The following PI15 variants were observed in gnomAD, a reference collection of about 807,000 sequenced individuals.
The protein encoded by PI15 is 25 kDa trypsin inhibitor.
Under a neutral mutation model 31.0 loss-of-function variants are expected in PI15, and 18 were observed. The observed-to-expected ratio is 0.58, with a 90% CI of 0.40 to 0.86. The LOEUF (loss-of-function observed/expected upper bound fraction) is 0.86. Among genes scored for constraint, PI15 ranks in the 40% least tolerant of loss-of-function variants. PI15 has a pLI of 0.00. For missense variants in PI15, 282 were observed against 328.1 expected (o/e 0.86, Z 1.09); for synonymous variants, 118 against 119.1 (o/e 0.99, Z 0.06).
rs559731933 is a variant in PI15, at chr8:74,831,350, T to A, written c.273+5828T>A. ...AAATGCAACATTGTAGAAAAATAATTTTATTGTGTTTCTGTTGAATATTTA... is the reference window on the plus strand; with the variant it reads ...AAATGCAACATTGTAGAAAAATAATATTATTGTGTTTCTGTTGAATATTTA... On this transcript the variant is annotated intron_variant, in intron 2 of 5. Transcript: ENST00000260113. Among the ~76,000 whole-genome samples the A allele has an allele frequency of 2.0e-5, 3 of 152,234 alleles. No individual in the cohort carries two copies. The South Asian group carries it at 6.2e-4, about 32-fold the overall frequency.
rs182906318 is a variant in PI15, at chr8:74,852,221, C to G, written c.*2968C>G. On this transcript the variant is annotated 3_prime_UTR_variant, in exon 6 of 6. Transcript: ENST00000260113. ...ATACATATTCCACATCATCGATCCT[C>G]TCTGTGGTGTTAATTTTTTTATATG... The G allele has an allele frequency of 1.1e-4, 17 of 152,136 alleles. No homozygotes were observed. In the East Asian group the frequency reaches 3.1e-3, roughly 28 times the overall value. The allele number at this position is 152,136 out of a possible 1,614,324, so 9.4% of individuals were successfully genotyped here.
chr8:74,835,608 A>G (rs1038704182), intron 2 of PI15, among the ~76,000 whole-genome samples: 2 of 152,214 alleles, frequency 1.3e-5, no homozygotes, highest in Admixed American at 1.3e-4. Context: ...TTGACTATTC[A>G]TTCAGCACCT....
At chr8:74,847,688 G>A (rs1213563478) in intron 5 of PI15, among the ~76,000 whole-genome samples, 1 of 152,044 alleles carries the variant, frequency 6.6e-6, no homozygotes, top group Non-Finnish European at 1.5e-5. Flanking sequence ...TCATTTTAAG[G>A]ATAGATTTTC....
intron 2 of PI15, among the ~76,000 whole-genome samples, chr8:74,839,579 T>TA (rs1178200407): frequency 1.3e-5 from 2 of 152,172 alleles, no homozygotes; most frequent in Admixed American, 1.3e-4. Flanking sequence ...TTTAAGTGTT[T>TA]ACAAGCAAAT....
rs531766347 is a variant in PI15, at chr8:74,825,254, T to C, written c.5T>C (p.Ile2Thr). 2 of 1,612,888 alleles carry C rather than the reference T, an allele frequency of 1.2e-6. No homozygotes were observed. Among genetic ancestry groups the C allele is most frequent in the Non-Finnish European group, 1.7e-6 (2 of 1,179,156 alleles). Residue 2 changes from isoleucine to threonine, a missense_variant, in exon 2 of 6, where the codon ATA (isoleucine) becomes ACA (threonine). Ile to Thr is a moderately conservative substitution (Grantham distance 89). Transcript: ENST00000260113. ...TCTTCTTCTCCACCCCTCAAAATGA[T>C]AGCAATCTCTGCCGTCAGCAGTGCA... M[I>T]AISAVSSALL...
intron 2 of PI15, among the ~76,000 whole-genome samples, chr8:74,841,402 G>T (rs1810943536): frequency 6.6e-6 from 1 of 152,142 alleles, no homozygotes; most frequent in African/African-American, 2.4e-5. Flanking sequence ...TCATTTTACA[G>T]ATGAGTTAAC....
chr8:74,831,982 G>A (rs1810788472), intron 2 of PI15, among the ~76,000 whole-genome samples: 1 of 151,946 alleles, frequency 6.6e-6, no homozygotes, highest in South Asian at 2.1e-4. Context: ...AAGATCCAGG[G>A]TAATCATTGA....
chr8:74,831,274 G>C (rs1810777677), intron 2 of PI15, among the ~76,000 whole-genome samples: 1 of 152,182 alleles, frequency 6.6e-6, no homozygotes, highest in Non-Finnish European at 1.5e-5. Context: ...GGTGGTGACT[G>C]TACTTCCGAG....
rs755792224 is a variant in PI15 at position 74,849,076 on chromosome 8, G to T, written c.642-42G>T. ...AAGGACAATCTACTTTTAAAAAATG[G>T]GTGGGTTGCACTAATGCTATCTTTT... is the stretch of plus-strand genomic sequence containing the variant. On this transcript the variant is annotated intron_variant, in intron 5 of 5. Transcript: ENST00000260113. 8 of 1,576,238 alleles carry T rather than the reference G, an allele frequency of 5.1e-6. No homozygotes were observed. In the African/African-American group the frequency reaches 8.2e-5, roughly 16 times the overall value.
rs148785529 is a variant in PI15, at chr8:74,845,411, A to G, written c.555A>G (p.Gly185=). Residue 185 remains glycine, a synonymous_variant, in exon 5 of 6, where the codon GGA becomes GGG. Transcript: ENST00000260113. ...QMVWATSNRI[G]CAIHTCQNMN... is the part of the protein sequence containing the mutation. ...TTTGGGCCACTTCCAATCGGATAGG[A>G]TGCGCAATTCATACTTGCCAAAACA... 4.7e-4 allele frequency: 754 copies of G among 1,613,836 alleles called. 4 individuals carry two copies. The African/African-American group carries it at 8.2e-3, about 17-fold the overall frequency.
rs532595670 is a variant in PI15, at chr8:74,850,410, C to T, written c.*1157C>T. ...ATGGAGAGCTTCAGAATGGGCTATCCTTAGAGTCTAGTACATCTTGAGGCC... is the reference window on the plus strand; with the variant it reads ...ATGGAGAGCTTCAGAATGGGCTATCTTTAGAGTCTAGTACATCTTGAGGCC... On this transcript the variant is annotated 3_prime_UTR_variant, in exon 6 of 6. Transcript: ENST00000260113. 6.6e-6 allele frequency: 1 copy of T among 152,272 alleles called. No individual in the cohort carries two copies. The highest frequency in any genetic ancestry group is 1.5e-5 in the Non-Finnish European group (1 of 68,022). The allele number at this position is 152,272 out of a possible 1,614,324, so 9.4% of individuals were successfully genotyped here.
In PI15 at chr8:74,825,460, CTTGA is replaced by C. The variant is rs1343201207; in HGVS notation, c.214_217del (p.Asp72IlefsTer46). 4.3e-6 allele frequency: 7 copies of C among 1,612,910 alleles called. No individual in the cohort carries two copies. In the Admixed American group the frequency reaches 5.0e-5, roughly 12 times the overall value. ...TTCGCAGAATGACATGATCGCCATT[CTTGA>C]TTATCATAATCAAGTTCGGGGCAAA... is the stretch of plus-strand genomic sequence containing the variant. On this transcript the variant is annotated frameshift_variant, in exon 2 of 6. Coordinates refer to ENST00000260113, the MANE Select transcript of PI15 (RefSeq NM_015886.5). LOFTEE classifies it high-confidence loss of function.
chr8:74,832,447 G>A (rs957005171), intron 2 of PI15, among the ~76,000 whole-genome samples: 2 of 152,008 alleles, frequency 1.3e-5, no homozygotes, highest in African/African-American at 4.8e-5. Flanking sequence ...TAGAGGTTGG[G>A]TAGTGTAGTG....
intron 5 of PI15, among the ~76,000 whole-genome samples, chr8:74,848,772 C>T (rs1046864819): frequency 7.4e-5 from 11 of 149,034 alleles, no homozygotes; most frequent in African/African-American, 2.2e-4. Context: ...CTCGCTCTGT[C>T]GCCCAGGCTG....
At chr8:74,848,732 TAGAGAG>T (rs1004356103) in intron 5 of PI15, among the ~76,000 whole-genome samples, 9 of 136,358 alleles carry the variant, frequency 6.6e-5, no homozygotes, top group African/African-American at 1.7e-4. Context: ...TATATATATA[TAGAGAG>T]AGAGAGAGAG....
At chr8:74,846,644 A>C (rs547383484) in intron 5 of PI15, among the ~76,000 whole-genome samples, 1 of 152,312 alleles carries the variant, frequency 6.6e-6, no homozygotes, top group South Asian at 2.1e-4. Flanking sequence ...AACATGCTAC[A>C]TTTCAGTTGT....
intron 2 of PI15, among the ~76,000 whole-genome samples, chr8:74,836,711 C>G (rs1475988890): frequency 6.6e-6 from 1 of 152,018 alleles, no homozygotes; most frequent in Non-Finnish European, 1.5e-5. Flanking sequence ...TGAAAGTGTG[C>G]TCAGAAAGAG....
chr8:74,835,518 C>A (rs1027780001), intron 2 of PI15, among the ~76,000 whole-genome samples: 6 of 152,186 alleles, frequency 3.9e-5, no homozygotes. Context: ...ATCTACTTAT[C>A]TGTCTATATA....
chr8:74,841,229 A>G (rs1331527149), intron 2 of PI15, among the ~76,000 whole-genome samples: 3 of 152,332 alleles, frequency 2.0e-5, no homozygotes, highest in South Asian at 2.1e-4. Context: ...TTCAAAAATA[A>G]TCTAGATTTG....
Sources: gnomAD v4.1 joint callset for allele counts (sites outside exome capture counted in the v4.1 genomes callset) on GRCh38, gnomAD v4.1.1 for gene constraint, MANE v1.5 for transcripts, NCBI Gene and HGNC (gene_info 2026-07-23, HGNC 2026-07-21) for gene names.